The following LDB2 variants were observed in gnomAD, a reference collection of about 807,000 sequenced individuals.
LDB2 encodes LIM domain-binding protein 2.
Under a neutral mutation model 44.3 loss-of-function variants are expected in LDB2, and 12 were observed. The observed-to-expected ratio is 0.27, with a 90% CI of 0.17 to 0.44. The LOEUF is 0.44. LDB2 is among the 20% of genes least tolerant of loss of function. The pLI is 1.00. For missense variants in LDB2, 344 were observed against 473.5 expected (o/e 0.73, Z 2.54); for synonymous variants, 164 against 174.8 (o/e 0.94, Z 0.49).
intron 2 of LDB2, among the ~76,000 whole-genome samples, chr4:16,633,377 G>A (rs1732578206): frequency 6.6e-6 from 1 of 152,112 alleles, no homozygotes. Context: ...CATGGCACAT[G>A]TATAGCTATG....
At chr4:16,697,316 G>A (rs1184800647) in intron 2 of LDB2, among the ~76,000 whole-genome samples, 4 of 124,696 alleles carry the variant, frequency 3.2e-5, no homozygotes, top group East Asian at 2.6e-4. Flanking sequence ...TTAGCCAGGC[G>A]TGGTGGTGGG....
At chr4:16,669,730 A>G (rs542682290) in intron 2 of LDB2, among the ~76,000 whole-genome samples, 1 of 152,326 alleles carries the variant, frequency 6.6e-6, no homozygotes, top group African/African-American at 2.4e-5. Context: ...TAGTCACACA[A>G]TTTCTAATAC....
intron 7 of LDB2, among the ~76,000 whole-genome samples, chr4:16,503,542 A>AATTT: frequency 6.6e-6 from 1 of 152,358 alleles, no homozygotes; most frequent in East Asian, 1.9e-4. Context: ...CAATTTGCAT[A>AATTT]GCTAATTAAG....
At position 16,521,189 on chromosome 4, in the gene LDB2, T is replaced by C. The variant is rs1391896880; in HGVS notation, c.616-9085A>G. ...ACTGGGTGGCTTAAAACAACAGGAA[T>C]GTATGCTGTCTGTTCTGGAGGCTGG... On this transcript the variant is annotated intron_variant, in intron 5 of 7. Transcript: ENST00000304523. Among the ~76,000 whole-genome samples, 5 of 152,178 alleles carry C rather than the reference T, an allele frequency of 3.3e-5. No individual in the cohort carries two copies. The South Asian group carries it at 8.3e-4, about 25-fold the overall frequency.
At chr4:16,772,524 G>A (rs1770932389) in intron 1 of LDB2, among the ~76,000 whole-genome samples, 1 of 152,178 alleles carries the variant, frequency 6.6e-6, no homozygotes, top group African/African-American at 2.4e-5. Flanking sequence ...CCACATCATA[G>A]AGTACCAGGA....
chr4:16,644,248 C>T (rs1034680922), intron 2 of LDB2, among the ~76,000 whole-genome samples: 2 of 152,116 alleles, frequency 1.3e-5, no homozygotes, highest in Non-Finnish European at 2.9e-5. Context: ...ATACAGAATG[C>T]CAACCAGTGT....
In LDB2 at chr4:16,759,159, G is replaced by A. The variant is rs540696408; in HGVS notation, c.234C>T (p.Tyr78=). The A allele has an allele frequency of 5.6e-6, 9 of 1,606,398 alleles. No homozygotes were observed. The East Asian group carries it at 1.3e-4, about 24-fold the overall frequency. Residue 78 remains tyrosine, a splice_region_variant and synonymous_variant, in exon 2 of 8, where the codon TAC becomes TAT. Transcript: ENST00000304523. The part of the protein sequence containing the change: ...SFCLEDGPKR[Y]TIGRTLIPRY... ...TAGAAAAATAAACTTCTTTCTTACT[G>A]TATCGCTTTGGTCCATCTTCCAAAC...
intron 2 of LDB2, among the ~76,000 whole-genome samples, chr4:16,611,699 C>A (rs950023466): frequency 1.1e-4 from 17 of 152,104 alleles, no homozygotes; most frequent in Admixed American, 1.0e-3. Context: ...TACAGGAGCA[C>A]CCAGATTCAT....
chr4:16,823,676 G>T (rs158267), intron 1 of LDB2, among the ~76,000 whole-genome samples: 53,636 of 152,032 alleles, frequency 0.35, 10,436 homozygotes, highest in East Asian at 0.6. Flanking sequence ...AACTGAAACA[G>T]AAAAAGAAAT....
At chr4:16,581,977 A>G (rs1263989574) in intron 5 of LDB2, among the ~76,000 whole-genome samples, 1 of 117,384 alleles carries the variant, frequency 8.5e-6, no homozygotes, top group Non-Finnish European at 1.8e-5. Context: ...GAAGGAAGGA[A>G]GGAAGGGAAG....
At chr4:16,830,981 A>G (rs1047419156) in intron 1 of LDB2, among the ~76,000 whole-genome samples, 2 of 152,158 alleles carry the variant, frequency 1.3e-5, no homozygotes, top group African/African-American at 2.4e-5. Flanking sequence ...TGCGGATCTC[A>G]TGGAAATGCT....
intron 1 of LDB2, among the ~76,000 whole-genome samples, chr4:16,776,856 G>A (rs887498718): frequency 6.6e-6 from 1 of 152,220 alleles, no homozygotes; most frequent in Non-Finnish European, 1.5e-5. Context: ...TTAGAGCTGG[G>A]CTTCTCAACC....
At chr4:16,558,805 A>G (rs569243362) in intron 5 of LDB2, among the ~76,000 whole-genome samples, 1 of 152,344 alleles carries the variant, frequency 6.6e-6, no homozygotes, top group Admixed American at 6.5e-5. Context: ...AAGGGCAGCC[A>G]GAGAGAAAGG....
chr4:16,870,448 A>C (rs1716168843), intron 1 of LDB2, among the ~76,000 whole-genome samples: 1 of 97,414 alleles, frequency 1.0e-5, no homozygotes, highest in South Asian at 3.6e-4. Context: ...ATCCTGCTGA[A>C]GGGGTGTGTA....
chr4:16,814,970 T>C (rs753789138), intron 1 of LDB2, among the ~76,000 whole-genome samples: 1 of 152,216 alleles, frequency 6.6e-6, no homozygotes, highest in Non-Finnish European at 1.5e-5. Flanking sequence ...TAATAAACAA[T>C]GCCCGATTTA....
At chr4:16,680,313 G>C (rs1012993743) in intron 2 of LDB2, among the ~76,000 whole-genome samples, 11 of 152,268 alleles carry the variant, frequency 7.2e-5, no homozygotes, top group African/African-American at 2.6e-4. Flanking sequence ...TGCAAACGAA[G>C]ACACCTTTCT....
At position 16,663,759 on chromosome 4, in the gene LDB2, CATAG is replaced by C. The variant is rs373392213; in HGVS notation, c.236-67888_236-67885del. The stretch of plus-strand genomic sequence containing the variant: ...TGCTAGTTTCTCATTATCATAACTA[CATAG>C]ATAGATTCTAATTTATCCCATTTTG... On this transcript the variant is annotated intron_variant, in intron 2 of 7. Transcript: ENST00000304523. Among the ~76,000 whole-genome samples, 27 of 152,296 alleles carry C rather than the reference CATAG, an allele frequency of 1.8e-4. No individual in the cohort carries two copies. In the East Asian group the frequency reaches 3.9e-3, roughly 22 times the overall value.
At chr4:16,766,510 ATT>A (rs33921094) in intron 1 of LDB2, among the ~76,000 whole-genome samples, 75 of 127,004 alleles carry the variant, frequency 5.9e-4, no homozygotes, top group Non-Finnish European at 6.9e-4. Flanking sequence ...GTGTGTATAT[ATT>A]TTTTTTTTTT....
chr4:16,610,661 GA>G (rs376501468), intron 2 of LDB2, among the ~76,000 whole-genome samples: 2,533 of 135,868 alleles, frequency 0.019, 51 homozygotes, highest in African/African-American at 0.058. Flanking sequence ...CAAGAATAGC[GA>G]AAAAAAAAAA....
Sources: allele counts gnomAD v4.1 joint callset (sites outside exome capture counted in the v4.1 genomes callset), GRCh38; gene constraint gnomAD v4.1.1; transcripts MANE v1.5; gene names NCBI Gene and HGNC (gene_info 2026-07-23, HGNC 2026-07-21).